CPED1: variants seen among roughly 807,000 people sequenced by gnomAD.
The protein encoded by CPED1 is cadherin-like and PC-esterase domain-containing protein 1.
In CPED1, 114 loss-of-function variants were observed where a neutral mutation model predicts 128.2. The ratio of observed to expected loss-of-function variants is 0.89; its 90% CI spans 0.76 to 1.04. CPED1 has a LOEUF of 1.04. Among genes scored for constraint, CPED1 ranks in the 50% least tolerant of loss-of-function variants. The pLI, the probability that CPED1 is intolerant of heterozygous loss-of-function variation, is 0.00. For missense variants in CPED1, 1,211 were observed against 1,207.1 expected (o/e 1.00, Z -0.05); for synonymous variants, 462 against 426.7 (o/e 1.08, Z -1.02).
At chr7:121,189,798 A>ATATATATATATATATATAT (rs869279165) in intron 16 of CPED1, among the ~76,000 whole-genome samples, 13 of 50,454 alleles carry the variant, frequency 2.6e-4, no homozygotes, top group Admixed American at 7.6e-4. Flanking sequence ...ATATATATAT[A>ATATATATATATATATATAT]AAATTTGTAT....
At chr7:121,022,222 A>G (rs1253583280) in intron 3 of CPED1, among the ~76,000 whole-genome samples, 1 of 152,042 alleles carries the variant, frequency 6.6e-6, no homozygotes, top group East Asian at 1.9e-4. Flanking sequence ...CAGCAAATTC[A>G]CTCAGGAAAC....
At position 121,242,109 on chromosome 7, in the gene CPED1, T is replaced by G. The variant is rs1218000054; in HGVS notation, c.2174-2093T>G. Among the ~76,000 whole-genome samples the G allele has an allele frequency of 2.6e-5, 4 of 152,182 alleles. No individual in the cohort carries two copies. In the East Asian group the frequency reaches 7.7e-4, roughly 29 times the overall value. On this transcript the variant is annotated intron_variant, in intron 17 of 22. Coordinates refer to ENST00000310396, the MANE Select transcript of CPED1 (RefSeq NM_024913.5). ...GGAGATAGAGCCCAGGTGTGCATGC[T>G]CTCCAAAGCCCCAACTCTTTACCAC...
intron 16 of CPED1, among the ~76,000 whole-genome samples, chr7:121,184,688 A>G (rs1483918366): frequency 6.6e-6 from 1 of 152,200 alleles, no homozygotes; most frequent in Non-Finnish European, 1.5e-5. Context: ...AAATAGAGTA[A>G]GAACTGGAGG....
intron 18 of CPED1, among the ~76,000 whole-genome samples, chr7:121,256,124 C>CAAAAAA (rs1333114209): frequency 4.4e-5 from 2 of 45,332 alleles, no homozygotes; most frequent in East Asian, 1.1e-3. Flanking sequence ...AAAAAAAAAA[C>CAAAAAA]AAAACAAAAA....
intron 16 of CPED1, among the ~76,000 whole-genome samples, chr7:121,166,274 T>A (rs1796523896): frequency 6.6e-6 from 1 of 152,190 alleles, no homozygotes; most frequent in South Asian, 2.1e-4. Flanking sequence ...AGCAAGCCAC[T>A]TAAGTTCTCG....
intron 2 of CPED1, among the ~76,000 whole-genome samples, chr7:120,994,552 C>T (rs978933587): frequency 1.5e-4 from 23 of 151,724 alleles, no homozygotes; most frequent in African/African-American, 4.6e-4. Flanking sequence ...TGCAGATTAG[C>T]CTGCATATGC....
intron 12 of CPED1, among the ~76,000 whole-genome samples, chr7:121,132,561 A>G (rs1269798477): frequency 6.6e-6 from 1 of 152,068 alleles, no homozygotes; most frequent in African/African-American, 2.4e-5. Context: ...AAATCCAGAG[A>G]TCTCAACAGA....
intron 13 of CPED1, among the ~76,000 whole-genome samples, chr7:121,134,667 T>A (rs986642585): frequency 1.3e-5 from 2 of 152,092 alleles, no homozygotes; most frequent in Non-Finnish European, 2.9e-5. Flanking sequence ...CATTACACAA[T>A]GTATACATGT....
chr7:121,001,998 C>CACAT (rs1554419949), intron 2 of CPED1, among the ~76,000 whole-genome samples: 32 of 151,704 alleles, frequency 2.1e-4, no homozygotes, highest in African/African-American at 6.0e-4. Flanking sequence ...CACACACACA[C>CACAT]ATATATATAT....
intron 5 of CPED1, among the ~76,000 whole-genome samples, chr7:121,071,912 C>T (rs75622573): frequency 0.012 from 1,756 of 152,266 alleles, 31 homozygotes; most frequent in African/African-American, 0.04. Context: ...ACAACTGTCT[C>T]TGGAAGCTCA....
chr7:121,181,575 C>G (rs1019844709), intron 16 of CPED1, among the ~76,000 whole-genome samples: 1 of 151,896 alleles, frequency 6.6e-6, no homozygotes, highest in Non-Finnish European at 1.5e-5. Flanking sequence ...CATAAAAATT[C>G]CTCTTTAATT....
intron 2 of CPED1, among the ~76,000 whole-genome samples, chr7:121,013,523 G>GATATATTATT (rs2116805432): frequency 6.6e-6 from 1 of 152,252 alleles, no homozygotes; most frequent in Non-Finnish European, 1.5e-5. Flanking sequence ...TGTTCTTTGT[G>GATATATTATT]ATATATTATT....
At chr7:121,285,859 C>T (rs188766946) in intron 22 of CPED1, among the ~76,000 whole-genome samples, 10 of 152,304 alleles carry the variant, frequency 6.6e-5, no homozygotes, top group Non-Finnish European at 1.0e-4. Flanking sequence ...CTGTTCCAAC[C>T]TCTGCCTGTT....
At chr7:121,056,726 A>T (rs766633323) in intron 4 of CPED1, among the ~76,000 whole-genome samples, 10 of 152,028 alleles carry the variant, frequency 6.6e-5, no homozygotes, top group Non-Finnish European at 1.2e-4. Context: ...TCTATTTGTC[A>T]TGGGTTAAAC....
intron 7 of CPED1, among the ~76,000 whole-genome samples, chr7:121,122,441 G>C (rs1795414084): frequency 6.6e-6 from 1 of 152,102 alleles, no homozygotes; most frequent in Non-Finnish European, 1.5e-5. Context: ...ATGCCCGGCT[G>C]TCTTGTTTTA....
At chr7:121,121,611 A>C (rs1438480988) in intron 7 of CPED1, among the ~76,000 whole-genome samples, 1 of 152,206 alleles carries the variant, frequency 6.6e-6, no homozygotes, top group African/African-American at 2.4e-5. Flanking sequence ...ACATTTATTT[A>C]ATTGAAAAAC....
intron 5 of CPED1, among the ~76,000 whole-genome samples, chr7:121,086,012 A>G (rs1327982444): frequency 6.6e-6 from 1 of 152,214 alleles, no homozygotes; most frequent in Non-Finnish European, 1.5e-5. Context: ...AGGAAGGTTT[A>G]CTTTGAATCT....
At chr7:121,060,244 C>G (rs1052088217) in intron 4 of CPED1, among the ~76,000 whole-genome samples, 7 of 152,246 alleles carry the variant, frequency 4.6e-5, no homozygotes, top group Admixed American at 3.9e-4. Flanking sequence ...CCTGTGCGGC[C>G]GGAGCCTCCC....
At chr7:120,988,959 A>G (rs1049105587) in intron 1 of CPED1, 47 bp downstream of exon 1, 6 of 152,290 alleles carry the variant, frequency 3.9e-5, no homozygotes, top group African/African-American at 1.4e-4. Context: ...AACAAATTCA[A>G]GCAAAAACCC....
Sources: gnomAD v4.1 joint callset for allele counts (sites outside exome capture counted in the v4.1 genomes callset) on GRCh38, gnomAD v4.1.1 for gene constraint, MANE v1.5 for transcripts, NCBI Gene and HGNC (gene_info 2026-07-23, HGNC 2026-07-21) for gene names.